Variants in KIAA1217 observed in about 807,000 individuals in gnomAD.
KIAA1217 encodes the protein sickle tail protein homolog.
In KIAA1217, 88 loss-of-function variants were observed where a neutral mutation model predicts 163.9. The ratio of observed to expected loss-of-function variants is 0.54; its 90% confidence interval spans 0.45 to 0.64. KIAA1217 has a LOEUF of 0.64. Among genes scored for constraint, KIAA1217 ranks in the 30% least tolerant of loss-of-function variants. The pLI is 0.00. For synonymous variants in KIAA1217, 903 were observed against 923.1 expected, an observed-to-expected ratio of 0.98 and a Z score of 0.39; for missense variants, 2,372 against 2,475.0, an observed-to-expected ratio of 0.96 and a Z score of 0.88.
At chr10:23,830,242 A>C (rs577892213) in intron 1 of KIAA1217, among the ~76,000 whole-genome samples, 219 of 152,240 alleles carry the variant, frequency 1.4e-3, no homozygotes, top group African/African-American at 5.1e-3. Flanking sequence ...TTTGCAGTCA[A>C]ATTTGTTTGG....
At chr10:23,915,507 A>G (rs1003437269) in intron 1 of KIAA1217, among the ~76,000 whole-genome samples, 1 of 152,190 alleles carries the variant, frequency 6.6e-6, no homozygotes, top group Admixed American at 6.5e-5. Context: ...TGTGGTGTTT[A>G]GTTCACAGTA....
chr10:23,884,323 T>A (rs912538153), intron 1 of KIAA1217, among the ~76,000 whole-genome samples: 3 of 151,948 alleles, frequency 2.0e-5, no homozygotes, highest in Non-Finnish European at 2.9e-5. Context: ...TATGGTAACA[T>A]CCCATTGTTG....
intron 1 of KIAA1217, among the ~76,000 whole-genome samples, chr10:23,715,383 T>A (rs1837501326): frequency 6.6e-6 from 1 of 152,186 alleles, no homozygotes. Context: ...AAAAAATTGA[T>A]GAAAGGACTG....
At chr10:24,143,238 C>G (rs987610078) in intron 2 of KIAA1217, among the ~76,000 whole-genome samples, 4 of 152,172 alleles carry the variant, frequency 2.6e-5, no homozygotes, top group African/African-American at 7.2e-5. Context: ...GTGATCCACT[C>G]AAGTTGTTAT....
At chr10:24,336,185 T>C (rs2133700610) in intron 2 of KIAA1217, among the ~76,000 whole-genome samples, 1 of 152,256 alleles carries the variant, frequency 6.6e-6, no homozygotes, top group Non-Finnish European at 1.5e-5. Flanking sequence ...GGAAGTTGCA[T>C]GACCCGAGAC....
intron 2 of KIAA1217, among the ~76,000 whole-genome samples, chr10:24,112,841 C>A (rs1244416151): frequency 6.6e-6 from 1 of 152,142 alleles, no homozygotes; most frequent in Non-Finnish European, 1.5e-5. Flanking sequence ...CCGCCTCAGC[C>A]TCCCACAGTG....
intron 2 of KIAA1217, among the ~76,000 whole-genome samples, chr10:24,143,515 G>A (rs11013917): frequency 0.015 from 2,351 of 152,038 alleles, 69 homozygotes; most frequent in African/African-American, 0.054. Context: ...CACCCACCTC[G>A]GCCTCCCAAA....
intron 2 of KIAA1217, among the ~76,000 whole-genome samples, chr10:24,347,350 A>G (rs1030465640): frequency 6.6e-6 from 1 of 152,242 alleles, no homozygotes; most frequent in Non-Finnish European, 1.5e-5. Context: ...AAACACTCAG[A>G]GGACTGGAAA....
chr10:24,107,073 C>G (rs750851801), intron 2 of KIAA1217, among the ~76,000 whole-genome samples: 1 of 152,152 alleles, frequency 6.6e-6, no homozygotes, highest in African/African-American at 2.4e-5. Context: ...GTCTGTTGTT[C>G]CCTTGATTTT....
intron 1 of KIAA1217, among the ~76,000 whole-genome samples, chr10:23,977,239 A>T (rs1212635149): frequency 6.6e-6 from 1 of 152,220 alleles, no homozygotes; most frequent in East Asian, 1.9e-4. Flanking sequence ...AAACTTCTTT[A>T]ATGAATAAAG....
At chr10:23,821,181 A>C (rs1328810865) in intron 1 of KIAA1217, among the ~76,000 whole-genome samples, 1 of 151,876 alleles carries the variant, frequency 6.6e-6, no homozygotes, top group Non-Finnish European at 1.5e-5. Context: ...ATTTATTGCA[A>C]GCAATGTGTT....
chr10:24,052,722 T>A (rs1849602524), intron 2 of KIAA1217, among the ~76,000 whole-genome samples: 1 of 152,080 alleles, frequency 6.6e-6, no homozygotes. Context: ...GATGAAAGAG[T>A]ATGTGATTAC....
chr10:24,190,514 C>T (rs1289128240), intron 2 of KIAA1217, among the ~76,000 whole-genome samples: 2 of 152,160 alleles, frequency 1.3e-5, no homozygotes, highest in Non-Finnish European at 2.9e-5. Flanking sequence ...CCCTAAATTC[C>T]CGTGGGCTTT....
intron 2 of KIAA1217, among the ~76,000 whole-genome samples, chr10:24,363,567 G>GTTT (rs1176059578): frequency 3.1e-5 from 4 of 128,442 alleles, no homozygotes; most frequent in African/African-American, 8.6e-5. Flanking sequence ...TTTTGTTTTT[G>GTTT]TTTTTTTTTT....
chr10:24,410,473 G>A (rs1246922511), intron 3 of KIAA1217, among the ~76,000 whole-genome samples: 1 of 152,168 alleles, frequency 6.6e-6, no homozygotes, highest in Non-Finnish European at 1.5e-5. Flanking sequence ...ATGTCCTTCT[G>A]CTTCCTGTGT....
At chr10:24,186,986 G>A (rs2131967274) in intron 2 of KIAA1217, among the ~76,000 whole-genome samples, 2 of 152,216 alleles carry the variant, frequency 1.3e-5, no homozygotes, top group East Asian at 3.9e-4. Context: ...TACTCTCTGT[G>A]ACTCAGGCTA....
chr10:24,373,777 G>T (rs917465241), intron 2 of KIAA1217, among the ~76,000 whole-genome samples: 2 of 152,174 alleles, frequency 1.3e-5, no homozygotes, highest in African/African-American at 4.8e-5. Flanking sequence ...GTTGGCAGAG[G>T]GGTCCTGCCT....
intron 3 of KIAA1217, among the ~76,000 whole-genome samples, chr10:24,393,525 T>C (rs2055281740): frequency 6.6e-6 from 1 of 152,164 alleles, no homozygotes; most frequent in African/African-American, 2.4e-5. Flanking sequence ...GTCACTCTCT[T>C]GGGGGCTGTT....
chr10:24,079,823 GAAAC>G (rs1188221424), intron 2 of KIAA1217, among the ~76,000 whole-genome samples: 1 of 152,164 alleles, frequency 6.6e-6, no homozygotes, highest in East Asian at 1.9e-4. Flanking sequence ...CAACTGAATT[GAAAC>G]ACTGGTGTAA....
Sources: gnomAD v4.1 joint callset for allele counts (sites outside exome capture counted in the v4.1 genomes callset) on GRCh38, gnomAD v4.1.1 for gene constraint, MANE v1.5 for transcripts, NCBI Gene and HGNC (gene_info 2026-07-23, HGNC 2026-07-21) for gene names.